Variants in ZNF251 observed in about 807,000 individuals in gnomAD.
The protein encoded by ZNF251 is zinc finger protein 251.
ZNF251 carries 14 observed loss-of-function variants against 13.5 expected under a neutral mutation model. The observed-to-expected ratio is 1.04, with a 90% CI of 0.69 to 1.63. The LOEUF (loss-of-function observed/expected upper bound fraction) is 1.63. ZNF251 is among the 40% of genes most tolerant of loss of function. ZNF251 has a pLI of 0.00. For missense variants in ZNF251, 764 were observed against 834.9 expected (o/e 0.92, Z 1.05); for synonymous variants, 287 against 295.2 (o/e 0.97, Z 0.28).
Position 144,724,261 on chromosome 8 carries a change from CAAAAAAAAAAAAA to C in ZNF251, c.278-892_278-880del, listed in dbSNP as rs1175216003. ...CGGGCAACAGAGCAAGACTCCGTCTCAAAAAAAAAAAAAAAAAAAAAAAAAGAATTAAAGCAAC... is the reference window on the plus strand; with the variant it reads ...CGGGCAACAGAGCAAGACTCCGTCTCAAAAAAAAAAAAGAATTAAAGCAAC... On this transcript the variant is annotated intron_variant, in intron 4 of 4. Coordinates refer to ENST00000292562, the MANE Select transcript of ZNF251 (RefSeq NM_138367.2). Among the ~76,000 whole-genome samples the C allele has an allele frequency of 2.8e-4, 10 of 35,874 alleles. No homozygotes were observed. In the South Asian group the frequency reaches 0.013, roughly 45 times the overall value. 23.5% of individuals were successfully genotyped at this position (35,874 alleles called of 152,430 possible).
chr8:144,753,631 T>G, intron 4 of ZNF251, 52 bp downstream of exon 4: 1 of 1,465,578 alleles, frequency 6.8e-7, no homozygotes. Flanking sequence ...TGGAGCCTCT[T>G]AAGGCAGGAT....
chr8:144,744,566 G>A (rs975208229), intron 4 of ZNF251, among the ~76,000 whole-genome samples: 1 of 152,104 alleles, frequency 6.6e-6, no homozygotes, highest in Non-Finnish European at 1.5e-5. Context: ...GAGGTCATTC[G>A]AGTTAGATGA....
In ZNF251 at chr8:144,754,771, G is replaced by A. The variant is rs1375770723; in HGVS notation, c.-43C>T. 2 of 1,605,284 alleles carry A rather than the reference G, an allele frequency of 1.2e-6. No homozygotes were observed. The highest frequency in any genetic ancestry group is 1.7e-6 in the Non-Finnish European group (2 of 1,176,008). ...CTGTGGTTTCCAAGAGAAGACAGGA[G>A]ACTGCCCTGGCCTGAAGTCTCCCCG... On this transcript the variant is annotated 5_prime_UTR_variant, in exon 2 of 5. Coordinates refer to ENST00000292562, the MANE Select transcript of ZNF251 (RefSeq NM_138367.2).
At chr8:144,728,224 G>A (rs1385102655) in intron 4 of ZNF251, among the ~76,000 whole-genome samples, 2 of 152,134 alleles carry the variant, frequency 1.3e-5, no homozygotes, top group Non-Finnish European at 2.9e-5. Flanking sequence ...GAGGGAGGTA[G>A]GGAATGGCTG....
chr8:144,755,402 C>A lies in ZNF251; in HGVS notation c.-76+3G>T. 7.8e-7 allele frequency: 1 copy of A among 1,288,390 alleles called. No homozygotes were observed. Among genetic ancestry groups the A allele is most frequent in the Non-Finnish European group, 1.0e-6 (1 of 988,824 alleles). The allele number at this position is 1,288,390 out of a possible 1,614,324, so 79.8% of individuals were successfully genotyped here. A position where few individuals can be genotyped will look rare whatever the true frequency, so the allele number is the denominator to read the frequency against. ...GCTCCTTCCTGGTCCGACACTGCCC[C>A]ACCTGTTTGCTCGACCCGGGGAAGC... On this transcript the variant is annotated splice_donor_region_variant and intron_variant, in intron 1 of 4. Transcript: ENST00000292562.
At chr8:144,745,737 T>C (rs1002010501) in intron 4 of ZNF251, among the ~76,000 whole-genome samples, 2 of 152,060 alleles carry the variant, frequency 1.3e-5, no homozygotes, top group African/African-American at 4.8e-5. Flanking sequence ...TTTGTAGATA[T>C]GGGGTCTCAC....
At chr8:144,732,624 A>G (rs574561144) in intron 4 of ZNF251, among the ~76,000 whole-genome samples, 6 of 151,436 alleles carry the variant, frequency 4.0e-5, no homozygotes, top group Non-Finnish European at 7.4e-5. Flanking sequence ...CATCCTGGCC[A>G]ACACGGTGAA....
chr8:144,733,031 G>A (rs971841154), intron 4 of ZNF251, among the ~76,000 whole-genome samples: 3 of 151,726 alleles, frequency 2.0e-5, no homozygotes, highest in Non-Finnish European at 4.4e-5. Context: ...AGAGCAGCCT[G>A]GCCAACATGG....
chr8:144,722,878 C>G lies in ZNF251; in HGVS notation c.782G>C (p.Gly261Ala). 1.9e-6 allele frequency: 3 copies of G among 1,613,968 alleles called. No individual in the cohort carries two copies. The highest frequency in any genetic ancestry group is 2.5e-6 in the Non-Finnish European group (3 of 1,179,890). Residue 261 changes from glycine to alanine, a missense_variant, in exon 5 of 5, where the codon GGA becomes GCA. Gly to Ala is a moderately conservative substitution (Grantham distance 60, BLOSUM62 0). Coordinates refer to ENST00000292562, the MANE Select transcript of ZNF251 (RefSeq NM_138367.2). This position sits in a 1 kb window ranked among gnomAD's most constrained non-coding sequence, Gnocchi z 4.8. ...TTCATCACATTTAAATGGTTTATTT[C>G]CAGTGTGAATGTGATGGTGCAGAAC... ...NLVLHHHIHTGNKPFKCDECG... is the reference protein window; with the variant it reads ...NLVLHHHIHTANKPFKCDECG...
chr8:144,736,974 T>A (rs994244365), intron 4 of ZNF251, among the ~76,000 whole-genome samples: 4 of 151,914 alleles, frequency 2.6e-5, no homozygotes, highest in African/African-American at 9.7e-5. Flanking sequence ...GCTAATTTTT[T>A]TGTATTTTTA....
chr8:144,743,776 C>T (rs983197548), intron 4 of ZNF251, among the ~76,000 whole-genome samples: 2 of 152,180 alleles, frequency 1.3e-5, no homozygotes, highest in African/African-American at 4.8e-5. Flanking sequence ...TGGAATCTCA[C>T]TGTTTTAATG....
At position 144,755,509 on chromosome 8, in the gene ZNF251, A is replaced by G. The variant is rs1824926405; in HGVS notation, c.-180T>C. 1.6e-6 allele frequency: 2 copies of G among 1,286,140 alleles called. No individual in the cohort carries two copies. Among genetic ancestry groups the G allele is most frequent in the East Asian group, 1.1e-4 (2 of 17,878 alleles). The allele number at this position is 1,286,140 out of a possible 1,614,324, so 79.7% of individuals were successfully genotyped here. A position where few individuals can be genotyped will look rare whatever the true frequency, so the allele number is the denominator to read the frequency against. ...CACAGAACCGGGTCCAGAGCCGGGG[A>G]GGGGGCGGGCTAGGATGAAGAGGGC... is the stretch of plus-strand genomic sequence containing the variant. On this transcript the variant is annotated 5_prime_UTR_variant, in exon 1 of 5. Transcript: ENST00000292562.
At chr8:144,747,175 A>C (rs1824467883) in intron 4 of ZNF251, among the ~76,000 whole-genome samples, 1 of 152,170 alleles carries the variant, frequency 6.6e-6, no homozygotes, top group South Asian at 2.1e-4. Context: ...TTTTCACTTA[A>C]TTCAAAATAT....
In ZNF251 at chr8:144,722,460, A is replaced by G. The variant is rs1473603477; in HGVS notation, c.1200T>C (p.Thr400=). ...CATTACATACATAGGGTTTCTCTCCAGTATGAACCCGATGATGGAGGAAAA... is the reference window on the plus strand; with the variant it reads ...CATTACATACATAGGGTTTCTCTCCGGTATGAACCCGATGATGGAGGAAAA... ...SSLFLHHRVH[T]GEKPYVCNEC... Residue 400 remains threonine, a synonymous_variant, in exon 5 of 5, where the codon ACT becomes ACC. Transcript: ENST00000292562. The surrounding 1 kb of genome is among the most constrained non-coding windows in gnomAD (Gnocchi z 4.8). 3 of 1,613,720 alleles carry G rather than the reference A, an allele frequency of 1.9e-6. No individual in the cohort carries two copies. The highest frequency in any genetic ancestry group is 2.7e-5 in the African/African-American group (2 of 74,820).
intron 4 of ZNF251, among the ~76,000 whole-genome samples, chr8:144,750,846 G>GTTTT (rs58473905): frequency 3.5e-5 from 5 of 141,310 alleles, no homozygotes; most frequent in Non-Finnish European, 4.6e-5. Context: ...TCTCTCCAGA[G>GTTTT]TTTTTTTTTT....
At chr8:144,754,657 T>C in intron 2 of ZNF251, 39 bp downstream of exon 2, 1 of 1,585,906 alleles carries the variant, frequency 6.3e-7, no homozygotes, top group Non-Finnish European at 8.6e-7. Context: ...GGGATGGGGA[T>C]GAAGATGAAG....
chr8:144,746,500 C>T lies in ZNF251; in HGVS notation c.277+7183G>A, dbSNP rs1005327473. Among the ~76,000 whole-genome samples the T allele has an allele frequency of 2.0e-5, 3 of 152,190 alleles. No individual in the cohort carries two copies. In the East Asian group the frequency reaches 5.8e-4, roughly 29 times the overall value. On this transcript the variant is annotated intron_variant, in intron 4 of 4. Coordinates refer to ENST00000292562, the MANE Select transcript of ZNF251 (RefSeq NM_138367.2). Reference sequence around the variant, plus strand: ...TGGCATTTGGGTGGATAACACTGACCTCATATGAGTTAGGAAGTATTCCCT... The same window carrying T: ...TGGCATTTGGGTGGATAACACTGACTTCATATGAGTTAGGAAGTATTCCCT...
intron 4 of ZNF251, among the ~76,000 whole-genome samples, chr8:144,743,986 A>T (rs934687252): frequency 2.0e-5 from 3 of 147,034 alleles, no homozygotes; most frequent in African/African-American, 7.5e-5. Flanking sequence ...CAATCTATGG[A>T]CTGTTTCTCA....
In ZNF251 at chr8:144,722,943, A is replaced by G. The variant is rs747485239; in HGVS notation, c.717T>C (p.Cys239=). ...GAGTAAAGGCTCGCCCACACCGGCC[A>G]CATTCGTACGGCTTCTCCCCAGTGT... ...RSHTGEKPYE[C]GRCGRAFTHS... The change falls in exon 5 of 5, where the codon TGT becomes TGC. Residue 239 remains cysteine (C), a synonymous_variant. Transcript: ENST00000292562. This position sits in a 1 kb window ranked among gnomAD's most constrained non-coding sequence, Gnocchi z 4.8. 6.2e-7 allele frequency: 1 copy of G among 1,613,546 alleles called. No homozygotes were observed. The highest frequency in any genetic ancestry group is 1.3e-5 in the African/African-American group (1 of 74,910).
Sources: allele counts gnomAD v4.1 joint callset (sites outside exome capture counted in the v4.1 genomes callset), GRCh38; gene constraint gnomAD v4.1.1; non-coding constraint Gnocchi (gnomAD v3.1); transcripts MANE v1.5; gene names NCBI Gene and HGNC (gene_info 2026-07-23, HGNC 2026-07-21).